Variants in SLC19A1 observed in about 807,000 individuals in gnomAD.
SLC19A1 encodes solute carrier family 19 member 1.
In SLC19A1, 37 loss-of-function variants were observed where a neutral mutation model predicts 35.3. That is an observed-to-expected ratio of 1.05 (90% confidence interval 0.81 to 1.38). The LOEUF (loss-of-function observed/expected upper bound fraction) is 1.38. SLC19A1 is among the 40% of genes most tolerant of loss of function. The pLI, the probability that SLC19A1 is intolerant of heterozygous loss-of-function variation, is 0.00. For synonymous variants in SLC19A1, 460 were observed against 398.5 expected (o/e 1.15, Z -1.84); for missense variants, 831 against 826.9 (o/e 1.00, Z -0.06).
intron 2 of SLC19A1, 115 bp from the exon 3 acceptor site, chr21:45,532,263 G>T: frequency 1.2e-6 from 1 of 810,374 alleles, no homozygotes; most frequent in East Asian, 2.6e-5. Context: ...ACTGCCTGGT[G>T]GGACCCCTCT....
chr21:45,515,009 A>T lies in SLC19A1; in HGVS notation c.*649T>A. 6.5e-7 allele frequency: 1 copy of T among 1,531,414 alleles called. No individual in the cohort carries two copies. The highest frequency in any genetic ancestry group is 1.4e-5 in the African/African-American group (1 of 71,402). 94.9% of individuals were successfully genotyped at this position (1,531,414 alleles called of 1,614,324 possible). On this transcript the variant is annotated 3_prime_UTR_variant, in exon 6 of 6. Coordinates refer to ENST00000311124, the MANE Select transcript of SLC19A1 (RefSeq NM_194255.4). ...GACACACTTCAGAAGGACAGACAGGACCATGGAGGGCTGCCCTTAGGGTGG... is the reference window on the plus strand; with the variant it reads ...GACACACTTCAGAAGGACAGACAGGTCCATGGAGGGCTGCCCTTAGGGTGG...
At chr21:45,541,499 C>T (rs538794109) in intron 1 of SLC19A1, among the ~76,000 whole-genome samples, 5 of 152,370 alleles carry the variant, frequency 3.3e-5, no homozygotes, top group African/African-American at 1.2e-4. Flanking sequence ...GCTTAGTTGG[C>T]CTGTGTCCTG....
chr21:45,514,856 C>T lies in SLC19A1; in HGVS notation c.*802G>A, dbSNP rs555227463. 8 of 728,230 alleles carry T rather than the reference C, an allele frequency of 1.1e-5. No individual in the cohort carries two copies. The Admixed American group carries it at 1.5e-4, about 14-fold the overall frequency. The allele number at this position is 728,230 out of a possible 1,614,324, so 45.1% of individuals were successfully genotyped here. On this transcript the variant is annotated 3_prime_UTR_variant, in exon 6 of 6. Coordinates refer to ENST00000311124, the MANE Select transcript of SLC19A1 (RefSeq NM_194255.4). ...CCCCAGCGCCCACCACAAAGGCAGC[C>T]CCCCCAAGGCTGCCCAGCCCAGGCA...
At chr21:45,506,073 T>C (rs989026458) in intron 3 of SLC19A1, 17 of 1,542,860 alleles carry the variant, frequency 1.1e-5, no homozygotes, top group Non-Finnish European at 1.5e-5. Flanking sequence ...TGGGAGCAGG[T>C]GGCAGCCAGC....
At chr21:45,551,956 G>A (rs1423515583) in intron 1 of SLC19A1, among the ~76,000 whole-genome samples, 1 of 152,172 alleles carries the variant, frequency 6.6e-6, no homozygotes, top group East Asian at 1.9e-4. Context: ...CACACCGCCT[G>A]CGTGTTCTGC....
upstream of SLC19A1, among the ~76,000 whole-genome samples, chr21:45,546,717 G>A (rs1455538130): frequency 6.6e-6 from 1 of 152,156 alleles, no homozygotes; most frequent in African/African-American, 2.4e-5. Context: ...CTGGCCTACT[G>A]CAAGGTGGAG....
At chr21:45,545,766 C>A (rs1318150354), upstream of SLC19A1, among the ~76,000 whole-genome samples, 1 of 152,222 alleles carries the variant, frequency 6.6e-6, no homozygotes, top group Non-Finnish European at 1.5e-5. Context: ...CCAGCATGTG[C>A]AGTGAACTGG....
rs151312914 is a variant in SLC19A1, at chr21:45,556,333, C to T, written c.-50+6409G>A. 2.6e-4 allele frequency among the ~76,000 whole-genome samples: 40 copies of T among 152,318 alleles called. No homozygotes were observed. The East Asian group carries it at 7.1e-3, about 27-fold the overall frequency. On this transcript the variant is annotated intron_variant, in intron 1 of 5. Coordinates refer to the SLC19A1 transcript ENST00000650808. ...GCAAGCTCAAGCCCTGGCGGCAGGG[C>T]AGCGGGGCCTGTGAGGGCCGAGGGT...
At chr21:45,511,988 G>C (rs1489311007), downstream of SLC19A1, among the ~76,000 whole-genome samples, 1 of 152,108 alleles carries the variant, frequency 6.6e-6, no homozygotes, top group East Asian at 1.9e-4. Flanking sequence ...GAAGCAGCAT[G>C]GGGGGCAGTC....
At chr21:45,510,284 G>A, downstream of SLC19A1, 1 of 1,582,142 alleles carries the variant, frequency 6.3e-7, no homozygotes, top group Non-Finnish European at 8.6e-7. Context: ...AGTCCTGAGG[G>A]CGCGGGCTCC....
At position 45,540,759 on chromosome 21, in the gene SLC19A1, C is replaced by T. The variant is rs1168172144; in HGVS notation, c.-50+1609G>A. ...TCTTCCCGGCATCTGAAGGAAGTCC[C>T]CGACCAGACAGGAGGGCCACGGGGA... On this transcript the variant is annotated intron_variant, in intron 1 of 5. Transcript: ENST00000311124. This position sits in a 1 kb window ranked among gnomAD's most constrained non-coding sequence, Gnocchi z 5.5. 1.3e-5 allele frequency among the ~76,000 whole-genome samples: 2 copies of T among 152,300 alleles called. No individual in the cohort carries two copies. Among genetic ancestry groups the T allele is most frequent in the South Asian group, 4.1e-4 (2 of 4,824 alleles).
intron 1 of SLC19A1, among the ~76,000 whole-genome samples, chr21:45,562,416 C>T (rs889446364): frequency 6.6e-6 from 1 of 152,200 alleles, no homozygotes; most frequent in African/African-American, 2.4e-5. Context: ...CTTCCACTAA[C>T]AGCCTGGGAG....
downstream of SLC19A1, among the ~76,000 whole-genome samples, chr21:45,510,695 G>A (rs555161439): frequency 5.3e-5 from 8 of 152,270 alleles, no homozygotes; most frequent in South Asian, 2.1e-4. Context: ...GCCCCTTTTC[G>A]TGCACTGGGC....
Position 45,531,379 on chromosome 21 carries a change from G to A in SLC19A1, c.949+10C>T, listed in dbSNP as rs1408060862. The A allele has an allele frequency of 1.9e-6, 3 of 1,562,402 alleles. No individual in the cohort carries two copies. Among genetic ancestry groups the A allele is most frequent in the Admixed American group, 1.8e-5 (1 of 55,142 alleles). On this transcript the variant is annotated intron_variant, in intron 3 of 5. Coordinates refer to ENST00000311124, the MANE Select transcript of SLC19A1 (RefSeq NM_194255.4). ...GCGGGAAGAAGCCTCGGGGACCAGG[G>A]CATGCGTACCCAGCAGCGTGGAGGC... is the stretch of plus-strand genomic sequence containing the variant.
At chr21:45,510,038 C>T, downstream of SLC19A1, 1 of 1,539,760 alleles carries the variant, frequency 6.5e-7, no homozygotes, top group Non-Finnish European at 8.7e-7. Flanking sequence ...TGGGACACAG[C>T]CCGTGACGCG....
chr21:45,559,407 G>A (rs964485653), intron 1 of SLC19A1, among the ~76,000 whole-genome samples: 2 of 152,218 alleles, frequency 1.3e-5, no homozygotes, highest in African/African-American at 4.8e-5. Context: ...ATGGCCAGGG[G>A]TGTGGGCGAG....
rs540486806 is a variant in SLC19A1 at position 45,505,499 on chromosome 21, C to T, written c.498-6887G>A. The T allele has an allele frequency of 1.1e-5, 9 of 839,402 alleles. No individual in the cohort carries two copies. The African/African-American group carries it at 1.5e-4, about 14-fold the overall frequency. 52.0% of individuals were successfully genotyped at this position (839,402 alleles called of 1,614,324 possible). A position where few individuals can be genotyped will look rare whatever the true frequency, so the allele number is the denominator to read the frequency against. On this transcript the variant is annotated intron_variant, in intron 3 of 4. Transcript: ENST00000417954. ...CTGGCTGGTTCTGCAGCCCCTGCCC[C>T]TCAGAGACACTCTCCCACGGACCCC...
chr21:45,521,182 C>A (rs73372917), intron 5 of SLC19A1, among the ~76,000 whole-genome samples: 1 of 152,128 alleles, frequency 6.6e-6, no homozygotes, highest in South Asian at 2.1e-4. Flanking sequence ...TTCAAGCCTC[C>A]GGAACTGTGA....
At chr21:45,541,703 C>G (rs1486211668) in intron 1 of SLC19A1, 3 of 152,308 alleles carry the variant, frequency 2.0e-5, no homozygotes, top group African/African-American at 7.2e-5. Context: ...GGAAGTTGCA[C>G]CTACAAAGCT....
Sources: allele counts gnomAD v4.1 joint callset (sites outside exome capture counted in the v4.1 genomes callset), GRCh38; gene constraint gnomAD v4.1.1; non-coding constraint Gnocchi (gnomAD v3.1); transcripts MANE v1.5; gene names NCBI Gene and HGNC (gene_info 2026-07-23, HGNC 2026-07-21).